The following ALK variants were observed in gnomAD, a reference collection of about 807,000 sequenced individuals.
ALK encodes ALK receptor tyrosine kinase, also known as ALK tyrosine kinase receptor.
ALK carries 74 observed loss-of-function variants against 163.1 expected under a neutral mutation model. That is an observed-to-expected ratio of 0.45 (90% confidence interval 0.38 to 0.55). The LOEUF is 0.55. ALK is among the 20% of genes least tolerant of loss of function. The probability of loss-of-function intolerance (pLI) is 0.00; values close to 1 mark genes in which losing one functional copy is unlikely to be tolerated. For synonymous variants in ALK, 960 were observed against 843.2 expected (o/e 1.14, Z -2.40); for missense variants, 2,063 against 2,105.3 (o/e 0.98, Z 0.39).
chr2:29,207,132 A>G (rs1352499339), intron 26 of ALK, 39 bp downstream of exon 26: 4 of 1,541,720 alleles, frequency 2.6e-6, no homozygotes, highest in Non-Finnish European at 2.7e-6. Context: ...GCACCACCTT[A>G]TGGCTGCAGG....
chr2:29,875,606 C>T (rs1487440727), intron 1 of ALK, among the ~76,000 whole-genome samples: 3 of 152,042 alleles, frequency 2.0e-5, no homozygotes, highest in Non-Finnish European at 2.9e-5. Context: ...CGACAGGCCC[C>T]GGCGTGTGAT....
rs1277636666 is a variant in ALK at position 29,251,298 on chromosome 2, T to A, written c.2042-31A>T. ...GCACAAGAGGAGAGGCAGTCACTCATGTGGCCAGGCCCTCCCTCCTCCAGG... is the reference window on the plus strand; with the variant it reads ...GCACAAGAGGAGAGGCAGTCACTCAAGTGGCCAGGCCCTCCCTCCTCCAGG... On this transcript the variant is annotated intron_variant, in intron 11 of 28. Coordinates refer to ENST00000389048, the MANE Select transcript of ALK (RefSeq NM_004304.5). 4 of 1,605,784 alleles carry A rather than the reference T, an allele frequency of 2.5e-6. No homozygotes were observed. The East Asian group carries it at 9.0e-5, about 36-fold the overall frequency.
In ALK at chr2:29,411,479, T is replaced by C. The variant is rs114970967; in HGVS notation, c.1155-27620A>G. Among the ~76,000 whole-genome samples, 1,115 of 152,242 alleles carry C rather than the reference T, an allele frequency of 7.3e-3. 12 individuals carry two copies. Among genetic ancestry groups the C allele is most frequent in the African/African-American group, 0.026 (1,080 of 41,540 alleles). On this transcript the variant is annotated intron_variant, in intron 4 of 28. Coordinates refer to ENST00000389048, the MANE Select transcript of ALK (RefSeq NM_004304.5). ...GAATCCATGTTTTCAAACCTTTTTC[T>C]TTTTTAAGAAAAAAAGAGATGGGGG... is the stretch of plus-strand genomic sequence containing the variant.
At position 29,228,871 on chromosome 2, in the gene ALK, G is replaced by C. The variant is rs763339685; in HGVS notation, c.2815+13C>G. ...AGGGAGGGAGTGACACCTTGAACACGAATCATCTTTACCTATATATCCTCC... is the reference window on the plus strand; with the variant it reads ...AGGGAGGGAGTGACACCTTGAACACCAATCATCTTTACCTATATATCCTCC... On this transcript the variant is annotated intron_variant, in intron 16 of 28. Coordinates refer to ENST00000389048, the MANE Select transcript of ALK (RefSeq NM_004304.5). The C allele has an allele frequency of 5.8e-6, 9 of 1,559,326 alleles. No homozygotes were observed. The highest frequency in any genetic ancestry group is 1.7e-5 in the Admixed American group (1 of 59,926).
intron 4 of ALK, among the ~76,000 whole-genome samples, chr2:29,484,791 A>G (rs1671741365): frequency 6.6e-6 from 1 of 152,226 alleles, no homozygotes; most frequent in African/African-American, 2.4e-5. Flanking sequence ...ATTCCTTAAC[A>G]CTACTTTAAA....
At chr2:29,676,324 G>A (rs937851453) in intron 3 of ALK, among the ~76,000 whole-genome samples, 3 of 152,010 alleles carry the variant, frequency 2.0e-5, no homozygotes, top group African/African-American at 2.4e-5. Context: ...GGTAGAAACT[G>A]TATACTTTTG....
intron 3 of ALK, among the ~76,000 whole-genome samples, chr2:29,570,537 T>G (rs1401258350): frequency 6.6e-6 from 1 of 152,204 alleles, no homozygotes; most frequent in African/African-American, 2.4e-5. Flanking sequence ...TCAAACAGCC[T>G]GAGACACAGG....
intron 5 of ALK, among the ~76,000 whole-genome samples, chr2:29,371,544 C>T (rs778184771): frequency 1.2e-4 from 19 of 152,242 alleles, no homozygotes; most frequent in Non-Finnish European, 2.4e-4. Context: ...CTTCCCCACC[C>T]TACCCCACCA....
intron 8 of ALK, among the ~76,000 whole-genome samples, 174 bp from the exon 9 acceptor site, chr2:29,297,231 T>C (rs1666216133): frequency 6.6e-6 from 1 of 152,196 alleles, no homozygotes; most frequent in South Asian, 2.1e-4. Context: ...GAAGTTCAAG[T>C]ATCCCATTTC....
At chr2:29,724,724 A>G (rs1679520528) in intron 1 of ALK, among the ~76,000 whole-genome samples, 1 of 152,046 alleles carries the variant, frequency 6.6e-6, no homozygotes, top group Non-Finnish European at 1.5e-5. Flanking sequence ...TGGTTCATAC[A>G]TATTTGTTTC....
intron 3 of ALK, among the ~76,000 whole-genome samples, chr2:29,646,667 G>A (rs1477578993): frequency 6.6e-6 from 1 of 152,008 alleles, no homozygotes; most frequent in African/African-American, 2.4e-5. Context: ...CTGCTTCAGG[G>A]CCCTTGTGGT....
intron 1 of ALK, among the ~76,000 whole-genome samples, chr2:29,884,488 C>T (rs1182693089): frequency 2.6e-5 from 4 of 152,178 alleles, no homozygotes; most frequent in Non-Finnish European, 5.9e-5. Flanking sequence ...GAAGCCATTG[C>T]TGTGGCTACA....
At chr2:29,222,682 T>C (rs2148169659) in intron 20 of ALK, 75 bp from the exon 21 acceptor site, 1 of 1,340,974 alleles carries the variant, frequency 7.5e-7, no homozygotes, top group South Asian at 1.2e-5. Context: ...GTCCTGAGCC[T>C]GGGCGTCACA....
intron 23 of ALK, among the ~76,000 whole-genome samples, chr2:29,218,323 C>T (rs988682282): frequency 6.6e-6 from 1 of 152,150 alleles, no homozygotes; most frequent in Non-Finnish European, 1.5e-5. Context: ...AGAAGTGGCT[C>T]TTCCAAGGAC....
chr2:29,899,172 C>G (rs534801081), intron 1 of ALK, among the ~76,000 whole-genome samples: 1 of 152,208 alleles, frequency 6.6e-6, no homozygotes, highest in South Asian at 2.1e-4. Flanking sequence ...GTTAACAAAC[C>G]CTCCAGTGAC....
At chr2:29,841,869 T>C (rs1665710252) in intron 1 of ALK, among the ~76,000 whole-genome samples, 1 of 152,206 alleles carries the variant, frequency 6.6e-6, no homozygotes, top group Non-Finnish European at 1.5e-5. Flanking sequence ...AACTGTTCCT[T>C]GACCCTTATG....
intron 1 of ALK, among the ~76,000 whole-genome samples, chr2:29,834,870 G>C (rs73925224): frequency 8.5e-5 from 13 of 152,292 alleles, no homozygotes; most frequent in African/African-American, 3.1e-4. Flanking sequence ...TGCAGCAAAA[G>C]AATCACACAC....
At chr2:29,837,571 G>A (rs1023004135) in intron 1 of ALK, among the ~76,000 whole-genome samples, 15 of 152,138 alleles carry the variant, frequency 9.9e-5, no homozygotes, top group African/African-American at 2.9e-4. Context: ...GAGAATCCTC[G>A]ATAAATTCAT....
At chr2:29,214,345 C>A (rs1051664980) in intron 23 of ALK, among the ~76,000 whole-genome samples, 1 of 152,270 alleles carries the variant, frequency 6.6e-6, no homozygotes, top group African/African-American at 2.4e-5. Context: ...CAGCGTGCAG[C>A]GAAGGCTCGG....
Sources: allele counts gnomAD v4.1 joint callset (sites outside exome capture counted in the v4.1 genomes callset), GRCh38; gene constraint gnomAD v4.1.1; transcripts MANE v1.5; gene names NCBI Gene and HGNC (gene_info 2026-07-23, HGNC 2026-07-21).